Variants in CTNNA3 observed in about 807,000 individuals in gnomAD.
CTNNA3 encodes catenin alpha 3.
CTNNA3 carries 76 observed loss-of-function variants against 95.7 expected under a neutral mutation model. The ratio of observed to expected loss-of-function variants is 0.79; its 90% CI spans 0.66 to 0.96. The LOEUF (loss-of-function observed/expected upper bound fraction) is 0.96, where lower values mean the gene tolerates loss of function less well. Among genes scored for constraint, CTNNA3 ranks in the 40% least tolerant of loss-of-function variants. CTNNA3 has a pLI of 0.00. For synonymous variants in CTNNA3, 431 were observed against 374.4 expected (o/e 1.15, Z -1.74); for missense variants, 1,191 against 1,089.8 (o/e 1.09, Z -1.31).
chr10:67,546,723 C>G (rs1443977609), intron 3 of CTNNA3, among the ~76,000 whole-genome samples: 1 of 152,110 alleles, frequency 6.6e-6, no homozygotes, highest in Non-Finnish European at 1.5e-5. Flanking sequence ...CCAATAAACA[C>G]TTTTATATTA....
At position 66,487,613 on chromosome 10, in the gene CTNNA3, T is replaced by A. The variant is rs969378138; in HGVS notation, c.1531+33004A>T. On this transcript the variant is annotated intron_variant, in intron 11 of 17. Transcript: ENST00000433211. Reference sequence around the variant, plus strand: ...GTGGTAATGAATGTATTAATTAATTTGATTGTGGTAATCAGTTCACATCTA... The same window carrying A: ...GTGGTAATGAATGTATTAATTAATTAGATTGTGGTAATCAGTTCACATCTA... Among the ~76,000 whole-genome samples, 5 of 152,312 alleles carry A rather than the reference T, an allele frequency of 3.3e-5. No homozygotes were observed. In the South Asian group the frequency reaches 1.0e-3, roughly 32 times the overall value.
chr10:66,383,189 A>G (rs2092856443), intron 11 of CTNNA3, among the ~76,000 whole-genome samples: 1 of 152,170 alleles, frequency 6.6e-6, no homozygotes, highest in African/African-American at 2.4e-5. Flanking sequence ...AGGAAGCTAA[A>G]AACCTTGAAA....
At chr10:66,998,419 T>C (rs918454843) in intron 7 of CTNNA3, among the ~76,000 whole-genome samples, 1 of 152,012 alleles carries the variant, frequency 6.6e-6, no homozygotes, top group Non-Finnish European at 1.5e-5. Context: ...TCAAAATATA[T>C]CAATAACCCA....
In CTNNA3 at chr10:66,748,125, C is replaced by T. The variant is rs141982242; in HGVS notation, c.1281+18139G>A. 3.6e-4 allele frequency among the ~76,000 whole-genome samples: 55 copies of T among 152,124 alleles called. 2 individuals are homozygous for T. In the East Asian group the frequency reaches 9.1e-3, roughly 25 times the overall value. On this transcript the variant is annotated intron_variant, in intron 9 of 17. Transcript: ENST00000433211. ...AGCACCATCTCATGCCAAACCTATA[C>T]GAGGGAATCTAACTGCAAAGGGGCT...
chr10:67,357,404 C>T (rs1337475633), intron 5 of CTNNA3, among the ~76,000 whole-genome samples: 1 of 151,890 alleles, frequency 6.6e-6, no homozygotes, highest in Non-Finnish European at 1.5e-5. Context: ...CATATTAATA[C>T]AGAGAAAGCA....
chr10:66,497,286 A>C (rs546826859), intron 11 of CTNNA3, among the ~76,000 whole-genome samples: 1 of 152,118 alleles, frequency 6.6e-6, no homozygotes, highest in East Asian at 1.9e-4. Flanking sequence ...TATAGTGCAC[A>C]GTCAAAATTA....
chr10:66,705,083 C>T (rs1848073591), intron 9 of CTNNA3, among the ~76,000 whole-genome samples: 1 of 151,988 alleles, frequency 6.6e-6, no homozygotes, highest in Non-Finnish European at 1.5e-5. Flanking sequence ...CCAGTTTTTA[C>T]TTTAGTTGAA....
At chr10:66,591,300 C>A (rs938011748) in intron 10 of CTNNA3, among the ~76,000 whole-genome samples, 1 of 152,110 alleles carries the variant, frequency 6.6e-6, no homozygotes. Flanking sequence ...CCCTTGGGGA[C>A]TTTCAGTGGA....
At chr10:66,083,431 C>T (rs2080847085) in intron 14 of CTNNA3, among the ~76,000 whole-genome samples, 1 of 152,142 alleles carries the variant, frequency 6.6e-6, no homozygotes, top group South Asian at 2.1e-4. Flanking sequence ...TTATCATTGC[C>T]ACAACCTCCT....
chr10:67,678,634 T>G (rs1166030929), intron 1 of CTNNA3, among the ~76,000 whole-genome samples: 3 of 152,192 alleles, frequency 2.0e-5, no homozygotes, highest in Non-Finnish European at 4.4e-5. Context: ...GTATCTTAGA[T>G]TGCTTAGCAG....
At chr10:66,434,899 T>C (rs2093326171) in intron 11 of CTNNA3, among the ~76,000 whole-genome samples, 3 of 149,998 alleles carry the variant, frequency 2.0e-5, no homozygotes, top group Non-Finnish European at 4.4e-5. Flanking sequence ...TCTATTGAGA[T>C]AATCATGTGT....
chr10:65,989,740 T>C (rs970250268), intron 15 of CTNNA3, among the ~76,000 whole-genome samples: 2 of 152,196 alleles, frequency 1.3e-5, no homozygotes, highest in Non-Finnish European at 2.9e-5. Context: ...TCTTCTCTTC[T>C]AGCTATTTTG....
intron 5 of CTNNA3, among the ~76,000 whole-genome samples, chr10:67,330,933 G>A (rs1015299120): frequency 2.6e-5 from 4 of 152,060 alleles, no homozygotes; most frequent in Non-Finnish European, 5.9e-5. Flanking sequence ...CTAATCCTGT[G>A]GACAAAATGG....
chr10:67,558,551 C>G (rs374256731), intron 3 of CTNNA3, among the ~76,000 whole-genome samples: 2 of 152,236 alleles, frequency 1.3e-5, no homozygotes, highest in Admixed American at 6.5e-5. Context: ...CAGCTCCCAG[C>G]GTGAGCGACG....
chr10:66,447,725 A>G (rs1413954300), intron 11 of CTNNA3, among the ~76,000 whole-genome samples: 9 of 152,156 alleles, frequency 5.9e-5, no homozygotes, highest in African/African-American at 1.9e-4. Flanking sequence ...TAAAAATCCT[A>G]GAAGAAAACC....
At chr10:66,231,202 T>G (rs2089571701) in intron 13 of CTNNA3, among the ~76,000 whole-genome samples, 1 of 152,192 alleles carries the variant, frequency 6.6e-6, no homozygotes, top group South Asian at 2.1e-4. Flanking sequence ...CGTGGGAATG[T>G]GGACTACTGA....
chr10:66,891,229 T>C (rs774960467), intron 7 of CTNNA3, among the ~76,000 whole-genome samples: 3 of 152,208 alleles, frequency 2.0e-5, no homozygotes, highest in Non-Finnish European at 2.9e-5. Context: ...TATTTTACTT[T>C]ATTTTTACAT....
Position 67,639,227 on chromosome 10 carries a change from C to T in CTNNA3, c.99+8188G>A, listed in dbSNP as rs137875221. On this transcript the variant is annotated intron_variant, in intron 2 of 17. Coordinates refer to ENST00000433211, the MANE Select transcript of CTNNA3 (RefSeq NM_013266.4). ...CTACCATCAGAGAATACTATAAACACCTGTATGCAAATAAACTAGAAAATC... is the reference window on the plus strand; with the variant it reads ...CTACCATCAGAGAATACTATAAACATCTGTATGCAAATAAACTAGAAAATC... 0.036 allele frequency among the ~76,000 whole-genome samples: 5,453 copies of T among 152,220 alleles called. 621 individuals are homozygous for T. In the East Asian group the frequency reaches 0.44, roughly 12 times the overall value.
intron 11 of CTNNA3, among the ~76,000 whole-genome samples, chr10:66,459,744 G>C (rs1018325301): frequency 4.6e-5 from 7 of 151,954 alleles, no homozygotes; most frequent in African/African-American, 1.7e-4. Context: ...TGTAACACAG[G>C]GTAAGTGTTT....
Sources: gnomAD v4.1 joint callset for allele counts (sites outside exome capture counted in the v4.1 genomes callset) on GRCh38, gnomAD v4.1.1 for gene constraint, MANE v1.5 for transcripts, NCBI Gene and HGNC (gene_info 2026-07-23, HGNC 2026-07-21) for gene names.